Variants in S100Z observed in about 807,000 individuals in gnomAD.
S100Z encodes S100 calcium binding protein Z.
A neutral mutation model predicts 8.5 loss-of-function variants in S100Z; 11 were observed. The observed-to-expected ratio is 1.30, with a 90% CI of 0.82 to 2.15. S100Z has a LOEUF of 2.15. Among genes scored for constraint, S100Z ranks in the 30% most tolerant of loss-of-function variants. The pLI is 0.00. For missense variants in S100Z, 126 were observed against 117.9 expected (o/e 1.07, Z -0.32); for synonymous variants, 34 against 43.8 (o/e 0.78, Z 0.89).
At chr5:76,926,213 G>A (rs1745134106), downstream of S100Z, among the ~76,000 whole-genome samples, 1 of 152,120 alleles carries the variant, frequency 6.6e-6, no homozygotes, top group African/African-American at 2.4e-5. Flanking sequence ...AGATATTAAG[G>A]CGATAGAATT....
chr5:76,880,567 T>C (rs187888700), intron 4 of S100Z, among the ~76,000 whole-genome samples: 54 of 152,258 alleles, frequency 3.5e-4, no homozygotes, highest in African/African-American at 1.2e-3. Flanking sequence ...TCGTATAGAA[T>C]GATTGGTGAT....
chr5:76,923,247 T>TC (rs900388834), downstream of S100Z, among the ~76,000 whole-genome samples: 1 of 152,084 alleles, frequency 6.6e-6, no homozygotes, highest in Non-Finnish European at 1.5e-5. Context: ...TTTTGTAATT[T>TC]CCCCCCATGC....
chr5:76,889,268 G>A (rs1406532793), intron 4 of S100Z, among the ~76,000 whole-genome samples: 1 of 151,928 alleles, frequency 6.6e-6, no homozygotes, highest in Non-Finnish European at 1.5e-5. Flanking sequence ...ACCACTTCAC[G>A]TATGTCTGTG....
chr5:76,908,045 T>C (rs145509443), intron 4 of S100Z, among the ~76,000 whole-genome samples: 2 of 152,196 alleles, frequency 1.3e-5, no homozygotes, highest in Non-Finnish European at 2.9e-5. Context: ...GTGGGAAGAC[T>C]ACCTGACCCT....
intron 4 of S100Z, among the ~76,000 whole-genome samples, chr5:76,906,123 C>A (rs1744414187): frequency 6.6e-6 from 1 of 152,216 alleles, no homozygotes. Flanking sequence ...AGCCACCACA[C>A]CCAGCCAAAA....
At chr5:76,856,446 T>A (rs1750884463) in intron 1 of S100Z, among the ~76,000 whole-genome samples, 1 of 152,204 alleles carries the variant, frequency 6.6e-6, no homozygotes. Flanking sequence ...GCGATCCACC[T>A]GCCTCAGCCT....
At chr5:76,895,950 A>G (rs1744023898) in intron 4 of S100Z, among the ~76,000 whole-genome samples, 1 of 151,682 alleles carries the variant, frequency 6.6e-6, no homozygotes, top group South Asian at 2.1e-4. Flanking sequence ...TTTAGTAGAG[A>G]TGGGGTTTCA....
chr5:76,861,710 T>C (rs979870674), intron 1 of S100Z, among the ~76,000 whole-genome samples: 1 of 152,224 alleles, frequency 6.6e-6, no homozygotes, highest in African/African-American at 2.4e-5. Context: ...ACATTCTATG[T>C]GTTTATTTTA....
intron 4 of S100Z, among the ~76,000 whole-genome samples, chr5:76,902,651 GTTGT>G (rs940179508): frequency 1.4e-5 from 2 of 147,440 alleles, no homozygotes; most frequent in African/African-American, 2.5e-5. Flanking sequence ...TTTTTTTGTT[GTTGT>G]TTGTTTTTTT....
the S100Z span, among the ~76,000 whole-genome samples, chr5:76,949,747 T>A: frequency 6.6e-6 from 1 of 152,186 alleles, no homozygotes; most frequent in Non-Finnish European, 1.5e-5. Flanking sequence ...ACATGAGCTA[T>A]CTAAAATAGT....
chr5:76,891,835 G>T (rs114635602), intron 4 of S100Z, among the ~76,000 whole-genome samples: 1 of 151,542 alleles, frequency 6.6e-6, no homozygotes, highest in Non-Finnish European at 1.5e-5. Context: ...GAGGGAGGAG[G>T]GGGAGGGAAA....
chr5:76,910,491 C>CA (rs549178798), intron 4 of S100Z, among the ~76,000 whole-genome samples: 3 of 152,170 alleles, frequency 2.0e-5, no homozygotes, highest in Non-Finnish European at 2.9e-5. Context: ...GAAAACAGAG[C>CA]AGGCCAATCA....
chr5:76,943,708 AGACACCATCT>A, the S100Z span, among the ~76,000 whole-genome samples: 5 of 152,094 alleles, frequency 3.3e-5, no homozygotes, highest in African/African-American at 1.2e-4. Context: ...ACCCAATTTG[AGACACCATCT>A]GTCTCCTGCA....
the S100Z span, among the ~76,000 whole-genome samples, chr5:76,930,391 A>G: frequency 6.6e-6 from 1 of 152,162 alleles, no homozygotes; most frequent in Non-Finnish European, 1.5e-5. Flanking sequence ...GAAATGATAC[A>G]CCCAAGGTCC....
intron 4 of S100Z, among the ~76,000 whole-genome samples, chr5:76,896,888 G>T (rs913282412): frequency 3.3e-5 from 5 of 151,774 alleles, no homozygotes; most frequent in African/African-American, 7.3e-5. Context: ...GGATTATTAG[G>T]TTTTTTTTCC....
rs541159953 is a variant in S100Z at position 76,906,144 on chromosome 5, T to C, written c.*3-14573T>C. 3.9e-5 allele frequency among the ~76,000 whole-genome samples: 6 copies of C among 152,358 alleles called. No individual in the cohort carries two copies. In the South Asian group the frequency reaches 1.2e-3, roughly 32 times the overall value. On this transcript the variant is annotated intron_variant, in intron 4 of 4. Transcript: ENST00000317593. The stretch of plus-strand genomic sequence containing the variant: ...CACACCCAGCCAAAAACATCTTTTA[T>C]GTTTTATTTTATTCTTTATTAAGGT...
chr5:76,906,622 T>G (rs374997019), intron 4 of S100Z, among the ~76,000 whole-genome samples: 55 of 142,156 alleles, frequency 3.9e-4, no homozygotes, highest in Middle Eastern at 3.5e-3. Context: ...TGTTTTTTGT[T>G]GTTGTTGTTT....
At position 76,877,846 on chromosome 5, in the gene S100Z, G is replaced by C; in HGVS notation, c.*2+12G>C. 2 of 1,591,920 alleles carry C rather than the reference G, an allele frequency of 1.3e-6. No individual in the cohort carries two copies. Among genetic ancestry groups the C allele is most frequent in the Admixed American group, 1.7e-5 (1 of 59,876 alleles). ...AAAGGAAAATAAAGGTAAGTAATAA[G>C]CTCATCTAAAGGCAGAAATATATCC... On this transcript the variant is annotated intron_variant, in intron 4 of 4. Coordinates refer to ENST00000317593, the MANE Select transcript of S100Z (RefSeq NM_130772.4).
chr5:76,864,772 G>A (rs184649730), intron 1 of S100Z, among the ~76,000 whole-genome samples: 6 of 151,602 alleles, frequency 4.0e-5, no homozygotes, highest in African/African-American at 1.2e-4. Context: ...GCAGTGGCAC[G>A]ATCTCGGCTC....
Sources: gnomAD v4.1 joint callset for allele counts (sites outside exome capture counted in the v4.1 genomes callset) on GRCh38, gnomAD v4.1.1 for gene constraint, MANE v1.5 for transcripts, NCBI Gene and HGNC (gene_info 2026-07-23, HGNC 2026-07-21) for gene names.